Variants in TNR observed in about 807,000 individuals in gnomAD.
The protein encoded by TNR is tenascin R.
In TNR, 45 loss-of-function variants were observed where a neutral mutation model predicts 150.4. The observed-to-expected ratio is 0.30, with a 90% CI of 0.24 to 0.38. TNR has a LOEUF of 0.38. Ranked by LOEUF, TNR falls within the 10% of genes least tolerant of loss-of-function variation. The probability of loss-of-function intolerance (pLI) is 1.00; values close to 1 mark genes in which losing one functional copy is unlikely to be tolerated. For missense variants in TNR, 1,544 were observed against 1,759.1 expected (o/e 0.88, Z 2.19); for synonymous variants, 687 against 678.4 (o/e 1.01, Z -0.20).
intron 1 of TNR, among the ~76,000 whole-genome samples, chr1:175,681,274 A>T (rs1666025887): frequency 1.3e-5 from 2 of 152,206 alleles, no homozygotes; most frequent in African/African-American, 2.4e-5. Flanking sequence ...AGGAAGCCCG[A>T]GCCCAGAAAG....
At chr1:175,678,086 A>G (rs1200686599) in intron 1 of TNR, among the ~76,000 whole-genome samples, 1 of 152,108 alleles carries the variant, frequency 6.6e-6, no homozygotes. Flanking sequence ...GGCACCTGTG[A>G]TTGGGTTATA....
chr1:175,398,177 C>G (rs1216551092), intron 4 of TNR, among the ~76,000 whole-genome samples: 1 of 152,126 alleles, frequency 6.6e-6, no homozygotes, highest in East Asian at 1.9e-4. Flanking sequence ...GACAGAGACA[C>G]AAGGAGACCT....
rs529662905 is a variant in TNR at position 175,657,882 on chromosome 1, T to C, written c.-165+85344A>G. Reference sequence around the variant, plus strand: ...ATATATATATATATATATATATATATATGTAACAAACCTGCACGTTGTGCA... The same window carrying C: ...ATATATATATATATATATATATATACATGTAACAAACCTGCACGTTGTGCA... On this transcript the variant is annotated intron_variant, in intron 1 of 22. Coordinates refer to ENST00000367674, the MANE Select transcript of TNR (RefSeq NM_003285.3). 2.7e-4 allele frequency among the ~76,000 whole-genome samples: 34 copies of C among 128,042 alleles called. 1 individual carries two copies. Among genetic ancestry groups the C allele is most frequent in the African/African-American group, 9.8e-4 (34 of 34,800 alleles). 84.0% of individuals were successfully genotyped at this position (128,042 alleles called of 152,430 possible).
At chr1:175,634,437 T>C (rs532633812) in intron 1 of TNR, among the ~76,000 whole-genome samples, 2 of 152,344 alleles carry the variant, frequency 1.3e-5, no homozygotes, top group South Asian at 4.1e-4. Context: ...GCCTTTATCA[T>C]CTTTCACATT....
intron 1 of TNR, among the ~76,000 whole-genome samples, chr1:175,593,935 A>G (rs972928915): frequency 6.6e-6 from 1 of 152,088 alleles, no homozygotes; most frequent in African/African-American, 2.4e-5. Flanking sequence ...CTTTTATTAG[A>G]CTTTATTTCT....
At chr1:175,579,337 A>C (rs2102227063) in intron 1 of TNR, among the ~76,000 whole-genome samples, 1 of 152,244 alleles carries the variant, frequency 6.6e-6, no homozygotes, top group African/African-American at 2.4e-5. Context: ...TACAGACTGT[A>C]GGAATGATGA....
In TNR at chr1:175,591,250, T is replaced by C. The variant is rs377272552; in HGVS notation, c.-164-62881A>G. On this transcript the variant is annotated intron_variant, in intron 1 of 22. Transcript: ENST00000367674. ...GAGCCCTCAACAGCCCTAGCTTGGA[T>C]GGCAGCCAGGGCTCTGTGTCCCTGG... is the stretch of plus-strand genomic sequence containing the variant. Among the ~76,000 whole-genome samples the C allele has an allele frequency of 5.3e-5, 8 of 152,194 alleles. No homozygotes were observed. The South Asian group carries it at 1.4e-3, about 28-fold the overall frequency.
chr1:175,674,714 C>A (rs1359893123), intron 1 of TNR, among the ~76,000 whole-genome samples: 1 of 152,150 alleles, frequency 6.6e-6, no homozygotes, highest in Non-Finnish European at 1.5e-5. Flanking sequence ...TAGCGCCAGG[C>A]CAGGTGGCCT....
At chr1:175,651,849 G>T (rs1665006448) in intron 1 of TNR, among the ~76,000 whole-genome samples, 1 of 151,622 alleles carries the variant, frequency 6.6e-6, no homozygotes, top group South Asian at 2.1e-4. Context: ...GAATACAACA[G>T]TTATGAAATC....
chr1:175,431,936 C>CTCCTTCTCTCTCTCTCTCTCT (rs367657172), intron 2 of TNR, among the ~76,000 whole-genome samples: 1 of 52,358 alleles, frequency 1.9e-5, no homozygotes, highest in African/African-American at 1.4e-4. Flanking sequence ...TCTCTCTCTC[C>CTCCTTCTCTCTCTCTCTCTCT]CTCTGTCTCT....
intron 1 of TNR, among the ~76,000 whole-genome samples, chr1:175,539,679 G>A (rs966927640): frequency 2.1e-4 from 32 of 152,216 alleles, no homozygotes; most frequent in Admixed American, 1.3e-3. Context: ...GAATGTGCCA[G>A]AATCAAGAAG....
chr1:175,576,368 G>C (rs1176241678), intron 1 of TNR, among the ~76,000 whole-genome samples: 1 of 152,150 alleles, frequency 6.6e-6, no homozygotes, highest in African/African-American at 2.4e-5. Flanking sequence ...AATCTATTCA[G>C]TATTTCCGGG....
intron 1 of TNR, among the ~76,000 whole-genome samples, chr1:175,685,120 T>C (rs1571750035): frequency 6.6e-6 from 1 of 152,328 alleles, no homozygotes; most frequent in Admixed American, 6.5e-5. Flanking sequence ...CTCCCTGGAA[T>C]TCTGGGACCC....
intron 1 of TNR, among the ~76,000 whole-genome samples, chr1:175,581,637 T>C (rs769815505): frequency 7.9e-5 from 12 of 152,232 alleles, no homozygotes; most frequent in South Asian, 2.1e-4. Context: ...TGTCTTTGAC[T>C]TCACTACAAT....
chr1:175,661,347 A>G (rs1665366051), intron 1 of TNR, among the ~76,000 whole-genome samples: 1 of 152,218 alleles, frequency 6.6e-6, no homozygotes, highest in Admixed American at 6.5e-5. Context: ...GCTTATGATA[A>G]ATGATAAAGA....
chr1:175,609,622 G>A (rs1211302754), intron 1 of TNR, among the ~76,000 whole-genome samples: 1 of 152,192 alleles, frequency 6.6e-6, no homozygotes, highest in African/African-American at 2.4e-5. Context: ...TTTTGACTTT[G>A]CAGGGCTAGA....
chr1:175,611,478 A>C (rs148988217), intron 1 of TNR, among the ~76,000 whole-genome samples: 3,842 of 151,908 alleles, frequency 0.025, 74 homozygotes, highest in Non-Finnish European at 0.037. Context: ...GACTACAGGC[A>C]CTCGCCACCA....
Position 175,502,427 on chromosome 1 carries a change from C to T in TNR, c.-64+25842G>A, listed in dbSNP as rs74127316. Among the ~76,000 whole-genome samples, 935 of 152,284 alleles carry T rather than the reference C, an allele frequency of 6.1e-3. 5 individuals carry two copies. The highest frequency in any genetic ancestry group is 0.022 in the African/African-American group (895 of 41,548). On this transcript the variant is annotated intron_variant, in intron 2 of 22. Coordinates refer to ENST00000367674, the MANE Select transcript of TNR (RefSeq NM_003285.3). The stretch of plus-strand genomic sequence containing the variant: ...GGAAACTTTCCCATGCAAGACTTCC[C>T]TTTCCAGATCTTTGCAGGGATACAA...
chr1:175,591,366 G>C (rs1178063755), intron 1 of TNR, among the ~76,000 whole-genome samples: 2 of 152,184 alleles, frequency 1.3e-5, no homozygotes, highest in Non-Finnish European at 2.9e-5. Context: ...ACTGCTGTGG[G>C]ATTAATAAGC....
Sources: allele counts gnomAD v4.1 joint callset (sites outside exome capture counted in the v4.1 genomes callset), GRCh38; gene constraint gnomAD v4.1.1; transcripts MANE v1.5; gene names NCBI Gene and HGNC (gene_info 2026-07-23, HGNC 2026-07-21).